Variants in CSNK2A1 observed in about 807,000 individuals in gnomAD.
CSNK2A1 encodes the protein casein kinase 2 alpha 1.
Under a neutral mutation model 62.9 loss-of-function variants are expected in CSNK2A1, and 10 were observed. The observed-to-expected ratio is 0.16, with a 90% confidence interval of 0.10 to 0.27. The LOEUF is 0.27. CSNK2A1 is among the 10% of genes least tolerant of loss of function. The probability of loss-of-function intolerance (pLI) is 1.00; values close to 1 mark genes in which losing one functional copy is unlikely to be tolerated. For missense variants in CSNK2A1, 160 were observed against 492.0 expected (o/e 0.33, Z 6.38); for synonymous variants, 124 against 167.8 (o/e 0.74, Z 2.02).
chr20:542,869 C>A (rs566518660), intron 1 of CSNK2A1, among the ~76,000 whole-genome samples: 38 of 152,228 alleles, frequency 2.5e-4, no homozygotes, highest in Non-Finnish European at 4.3e-4. Flanking sequence ...AGCCAAGATG[C>A]AACTTCTCCT....
intron 9 of CSNK2A1, 46 bp from the exon 10 acceptor site, chr20:489,927 T>TC: frequency 7.0e-7 from 1 of 1,421,600 alleles, no homozygotes; most frequent in Non-Finnish European, 9.4e-7. Context: ...ATCCTCAGGC[T>TC]TGTCACTTCA....
chr20:515,433 A>G (rs921384388), intron 2 of CSNK2A1, among the ~76,000 whole-genome samples: 2 of 152,246 alleles, frequency 1.3e-5, no homozygotes, highest in African/African-American at 4.8e-5. Context: ...AGCTTTAAGT[A>G]TCTAACTCTT....
chr20:498,036 T>C, intron 6 of CSNK2A1: 1 of 364,648 alleles, frequency 2.7e-6, no homozygotes, highest in Non-Finnish European at 5.1e-6. Flanking sequence ...CTGATCTAGA[T>C]ACGTTAATAT....
chr20:537,570 T>C (rs1453372381), intron 1 of CSNK2A1, among the ~76,000 whole-genome samples: 6 of 152,122 alleles, frequency 3.9e-5, no homozygotes. Context: ...TGAAAATACA[T>C]CCTTTGTTAC....
chr20:485,733 C>A (rs915191120), intron 13 of CSNK2A1, among the ~76,000 whole-genome samples: 10 of 152,124 alleles, frequency 6.6e-5, no homozygotes, highest in African/African-American at 9.7e-5. Flanking sequence ...GCAGTTAGTT[C>A]TTTTCTTAAA....
At position 487,378 on chromosome 20, in the gene CSNK2A1, T is replaced by C. The variant is rs200456248; in HGVS notation, c.973+49A>G. On this transcript the variant is annotated intron_variant, in intron 12 of 13. Coordinates refer to ENST00000217244, the MANE Select transcript of CSNK2A1 (RefSeq NM_177559.3). ...GAGCTGGGATTACGACTCTGTTCTA[T>C]AGGACTCTGCGCCTGCACAAACTCT... 1.3e-5 allele frequency: 21 copies of C among 1,611,770 alleles called. No homozygotes were observed. The East Asian group carries it at 3.3e-4, about 26-fold the overall frequency.
At chr20:529,486 C>A (rs1465953313) in intron 1 of CSNK2A1, among the ~76,000 whole-genome samples, 1 of 152,122 alleles carries the variant, frequency 6.6e-6, no homozygotes, top group East Asian at 1.9e-4. Flanking sequence ...TGCAGTATTG[C>A]AGTGCTTGTC....
intron 1 of CSNK2A1, among the ~76,000 whole-genome samples, chr20:529,759 T>C (rs1030616610): frequency 5.3e-5 from 8 of 152,224 alleles, no homozygotes; most frequent in African/African-American, 1.9e-4. Context: ...GCAAAAGTTA[T>C]GACCGCAGTA....
chr20:536,306 C>T (rs1447892790), intron 1 of CSNK2A1, among the ~76,000 whole-genome samples: 1 of 152,180 alleles, frequency 6.6e-6, no homozygotes, highest in African/African-American at 2.4e-5. Context: ...GCAATAAACA[C>T]ATTCTTTTCT....
intron 2 of CSNK2A1, among the ~76,000 whole-genome samples, chr20:517,624 A>G (rs2018854164): frequency 1.3e-5 from 2 of 152,244 alleles, no homozygotes; most frequent in African/African-American, 4.8e-5. Flanking sequence ...AACTGCACTT[A>G]AAGTACGCAC....
intron 2 of CSNK2A1, among the ~76,000 whole-genome samples, chr20:514,915 A>C (rs2018797434): frequency 6.6e-6 from 1 of 152,218 alleles, no homozygotes; most frequent in African/African-American, 2.4e-5. Context: ...ATAACCATCT[A>C]CTATGAAAAA....
At chr20:487,715 G>T in intron 11 of CSNK2A1, 140 bp from the exon 12 acceptor site, 1 of 1,119,470 alleles carries the variant, frequency 8.9e-7, no homozygotes, top group Non-Finnish European at 1.3e-6. Context: ...GTCTTGCACC[G>T]CTCTGCCACT....
chr20:538,630 CTT>C (rs1568574194), intron 1 of CSNK2A1, among the ~76,000 whole-genome samples: 1 of 152,164 alleles, frequency 6.6e-6, no homozygotes, highest in Non-Finnish European at 1.5e-5. Flanking sequence ...AGATCTGACT[CTT>C]AAACTCAACA....
Position 518,532 on chromosome 20 carries a change from T to G in CSNK2A1, c.-110+9401A>C, listed in dbSNP as rs56154002. 2.6e-5 allele frequency among the ~76,000 whole-genome samples: 4 copies of G among 152,122 alleles called. No homozygotes were observed. In the East Asian group the frequency reaches 7.7e-4, roughly 29 times the overall value. Reference sequence around the variant, plus strand: ...GGGCCTCAAATGATCACTACAAATATCTATTTTTATTTTTATTATTTTTTA... The same window carrying G: ...GGGCCTCAAATGATCACTACAAATAGCTATTTTTATTTTTATTATTTTTTA... On this transcript the variant is annotated intron_variant, in intron 2 of 13. Transcript: ENST00000217244.
At chr20:534,559 C>T (rs1475873139) in intron 1 of CSNK2A1, among the ~76,000 whole-genome samples, 1 of 152,078 alleles carries the variant, frequency 6.6e-6, no homozygotes, top group Non-Finnish European at 1.5e-5. Flanking sequence ...CAGTGTTGGA[C>T]TCCAGATGCA....
chr20:506,919 G>A (rs1055320813), intron 3 of CSNK2A1: 1 of 152,188 alleles, frequency 6.6e-6, no homozygotes, highest in African/African-American at 2.4e-5. Flanking sequence ...GATAGCGGCT[G>A]AAATTCCTAT....
rs377614656 is a variant in CSNK2A1 at position 495,683 on chromosome 20, T to C, written c.510+36A>G. 363 of 1,574,840 alleles carry C rather than the reference T, an allele frequency of 2.3e-4. 1 individual carries two copies. Among genetic ancestry groups the C allele is most frequent in the Non-Finnish European group, 2.7e-4 (304 of 1,144,466 alleles). Reference sequence around the variant, plus strand: ...TGAAGATGGGCAATTAGCTACATCATGTAGATAAATAACACTTGTCAGCCT... The same window carrying C: ...TGAAGATGGGCAATTAGCTACATCACGTAGATAAATAACACTTGTCAGCCT... On this transcript the variant is annotated intron_variant, in intron 8 of 13. Transcript: ENST00000217244.
At chr20:501,505 A>T (rs1053513307) in intron 4 of CSNK2A1, 1 of 152,262 alleles carries the variant, frequency 6.6e-6, no homozygotes, top group Admixed American at 6.5e-5. Flanking sequence ...GTACTTTATT[A>T]ATCTAAAATC....
chr20:490,411 CTT>C (rs369596623), intron 9 of CSNK2A1, among the ~76,000 whole-genome samples: 33 of 84,464 alleles, frequency 3.9e-4, no homozygotes, highest in African/African-American at 1.1e-3. Context: ...ACAATTTTTA[CTT>C]TTTTTTTTTT....
Sources: allele counts gnomAD v4.1 joint callset (sites outside exome capture counted in the v4.1 genomes callset), GRCh38; gene constraint gnomAD v4.1.1; transcripts MANE v1.5; gene names NCBI Gene and HGNC (gene_info 2026-07-23, HGNC 2026-07-21).